Variants in BNC2 observed in about 807,000 individuals in gnomAD.
BNC2 encodes the protein zinc finger protein basonuclin-2.
A neutral mutation model predicts 76.3 loss-of-function variants in BNC2; 20 were observed. The ratio of observed to expected loss-of-function variants is 0.26; its 90% CI spans 0.18 to 0.38. The LOEUF (loss-of-function observed/expected upper bound fraction) is 0.38. Ranked by LOEUF, BNC2 falls within the 10% of genes least tolerant of loss-of-function variation. BNC2 has a pLI of 1.00. For missense variants in BNC2, 1,382 were observed against 1,399.8 expected (o/e 0.99, Z 0.20); for synonymous variants, 582 against 514.8 (o/e 1.13, Z -1.77).
At chr9:16,499,542 T>G (rs1822474953) in intron 5 of BNC2, among the ~76,000 whole-genome samples, 1 of 149,098 alleles carries the variant, frequency 6.7e-6, no homozygotes, top group Non-Finnish European at 1.5e-5. Context: ...TTTTTTTTTT[T>G]TTTTTGAGAC....
chr9:16,725,215 T>TCA lies in BNC2; in HGVS notation c.330+2581_330+2582insTG, dbSNP rs1184662562. On this transcript the variant is annotated intron_variant, in intron 3 of 6. Transcript: ENST00000380672. ...GATATAATTTCAATAAGTCTCTCTC[T>TCA]CTCACACACACACACACACACACAC... Among the ~76,000 whole-genome samples, 282 of 59,582 alleles carry TCA rather than the reference T, an allele frequency of 4.7e-3. 1 individual carries two copies. Among genetic ancestry groups the TCA allele is most frequent in the African/African-American group, 0.013 (263 of 19,726 alleles). 39.1% of individuals were successfully genotyped at this position (59,582 alleles called of 152,430 possible).
intron 4 of BNC2, among the ~76,000 whole-genome samples, chr9:16,570,306 A>T (rs1379830240): frequency 1.3e-5 from 2 of 152,218 alleles, no homozygotes; most frequent in East Asian, 3.8e-4. Context: ...CTTGAAAAAG[A>T]AAAATGAATG....
At chr9:16,744,027 C>T (rs1010041780) in intron 1 of BNC2, among the ~76,000 whole-genome samples, 172 of 152,068 alleles carry the variant, frequency 1.1e-3, no homozygotes, top group African/African-American at 4.1e-3. Flanking sequence ...AGTGCAGTGG[C>T]GCGATCTCTG....
At chr9:16,448,456 T>C (rs1013430758) in intron 5 of BNC2, among the ~76,000 whole-genome samples, 1 of 152,154 alleles carries the variant, frequency 6.6e-6, no homozygotes, top group African/African-American at 2.4e-5. Context: ...ACAATCAAGA[T>C]TACTGATATT....
rs544826066 is a variant in BNC2 at position 16,725,737 on chromosome 9, T to C, written c.330+2060A>G. Among the ~76,000 whole-genome samples, 3 of 152,210 alleles carry C rather than the reference T, an allele frequency of 2.0e-5. No individual in the cohort carries two copies. The East Asian group carries it at 5.8e-4, about 29-fold the overall frequency. ...ATATCCACACAGTCAGACAGCTGGA[T>C]CAAAGACATCATAAATTGTCCTAAT... On this transcript the variant is annotated intron_variant, in intron 3 of 6. Transcript: ENST00000380672.
chr9:16,627,202 T>G (rs191158614), intron 3 of BNC2, among the ~76,000 whole-genome samples: 1 of 152,076 alleles, frequency 6.6e-6, no homozygotes, highest in Non-Finnish European at 1.5e-5. Context: ...AAGGGAACAG[T>G]TGAAAAACAG....
chr9:16,865,458 A>C (rs1161805928), intron 1 of BNC2, among the ~76,000 whole-genome samples: 1 of 152,188 alleles, frequency 6.6e-6, no homozygotes, highest in Non-Finnish European at 1.5e-5. Context: ...GTTACTAGCA[A>C]TTTGTGAAGT....
At chr9:16,797,231 C>T (rs991589917) in intron 1 of BNC2, among the ~76,000 whole-genome samples, 2 of 152,028 alleles carry the variant, frequency 1.3e-5, no homozygotes, top group African/African-American at 4.8e-5. Flanking sequence ...AAGTTGAACT[C>T]AGAAAACTTG....
intron 3 of BNC2, among the ~76,000 whole-genome samples, chr9:16,651,028 T>C (rs1210963319): frequency 2.0e-5 from 3 of 152,188 alleles, no homozygotes; most frequent in Non-Finnish European, 4.4e-5. Flanking sequence ...GGATAGTAAC[T>C]GTTTACCCTA....
At chr9:16,774,536 T>C (rs1355890760) in intron 1 of BNC2, among the ~76,000 whole-genome samples, 1 of 152,240 alleles carries the variant, frequency 6.6e-6, no homozygotes, top group East Asian at 1.9e-4. Flanking sequence ...ATGATTTCAA[T>C]GTTTATTTCC....
At chr9:16,646,477 A>G (rs550590879) in intron 3 of BNC2, among the ~76,000 whole-genome samples, 1 of 152,318 alleles carries the variant, frequency 6.6e-6, no homozygotes, top group African/African-American at 2.4e-5. Context: ...AAAACAAACA[A>G]AAAAAGCCAG....
intron 1 of BNC2, among the ~76,000 whole-genome samples, chr9:16,793,648 CTTTTTTTTTTTTTTTTTTTTTTT>C (rs71327860): frequency 3.6e-5 from 2 of 55,826 alleles, no homozygotes; most frequent in Admixed American, 2.9e-4. Context: ...CCTTCCACAT[CTTTTTTTTTTTTTTTTTTTTTTT>C]TTTTTTTTTT....
intron 3 of BNC2, among the ~76,000 whole-genome samples, chr9:16,603,134 T>G (rs1482045732): frequency 1.3e-5 from 2 of 152,168 alleles, no homozygotes; most frequent in Non-Finnish European, 2.9e-5. Context: ...TTAGGTTAAA[T>G]CTATCAAGAA....
intron 3 of BNC2, among the ~76,000 whole-genome samples, chr9:16,681,199 A>G (rs1298690125): frequency 6.6e-6 from 1 of 152,216 alleles, no homozygotes; most frequent in African/African-American, 2.4e-5. Flanking sequence ...CAAATTTTCC[A>G]TGGACCGAAA....
At chr9:16,788,973 A>T (rs964681595) in intron 1 of BNC2, among the ~76,000 whole-genome samples, 4 of 152,142 alleles carry the variant, frequency 2.6e-5, no homozygotes, top group Admixed American at 6.5e-5. Context: ...ACCTGGTTAA[A>T]TTGTAATACA....
rs879334678 is a variant in BNC2, at chr9:16,689,388, C to A, written c.330+38409G>T. ...TGAAAAGGGCTCGTAGTCAGGGATG[C>A]CCCCTGCAGAGCCAGGGTCCACTTG... On this transcript the variant is annotated intron_variant, in intron 3 of 6. Transcript: ENST00000380672. 7.9e-5 allele frequency among the ~76,000 whole-genome samples: 12 copies of A among 152,152 alleles called. No homozygotes were observed. The East Asian group carries it at 2.3e-3, about 29-fold the overall frequency.
chr9:16,730,446 CT>C (rs539700233), intron 2 of BNC2, among the ~76,000 whole-genome samples: 2 of 152,160 alleles, frequency 1.3e-5, no homozygotes, highest in Admixed American at 1.3e-4. Context: ...CAGAATTAGC[CT>C]TTTTTCCCCC....
At chr9:16,486,437 T>C (rs1280044117) in intron 5 of BNC2, among the ~76,000 whole-genome samples, 1 of 152,222 alleles carries the variant, frequency 6.6e-6, no homozygotes, top group Admixed American at 6.5e-5. Context: ...GCACACCCTG[T>C]ACTTAATCTT....
At chr9:16,796,448 G>C (rs1203760755) in intron 1 of BNC2, among the ~76,000 whole-genome samples, 1 of 152,018 alleles carries the variant, frequency 6.6e-6, no homozygotes, top group Non-Finnish European at 1.5e-5. Context: ...GGAAGTATAG[G>C]AGACTGCTTA....
Sources: allele counts gnomAD v4.1 joint callset (sites outside exome capture counted in the v4.1 genomes callset), GRCh38; gene constraint gnomAD v4.1.1; transcripts MANE v1.5; gene names NCBI Gene and HGNC (gene_info 2026-07-23, HGNC 2026-07-21).